The following XNDC1N variants were observed in gnomAD, a reference collection of about 807,000 sequenced individuals.
The protein encoded by XNDC1N is protein XNDC1N.
At chr11:71,919,126 C>T in the XNDC1N span, 2 of 648,764 alleles carry the variant, frequency 3.1e-6, no homozygotes, top group Non-Finnish European at 5.6e-6. Context: ...CCTTCCCAGT[C>T]ATCCTAACAT....
the XNDC1N span, among the ~76,000 whole-genome samples, chr11:71,889,740 C>T: frequency 0.032 from 4,876 of 152,224 alleles, 263 homozygotes; most frequent in African/African-American, 0.11. Flanking sequence ...CTGTTCTGCC[C>T]GGCATAAGAG....
chr11:71,885,412 G>A, the XNDC1N span, among the ~76,000 whole-genome samples: 1 of 152,086 alleles, frequency 6.6e-6, no homozygotes, highest in Non-Finnish European at 1.5e-5. Context: ...CATCTCACAC[G>A]GGGGTGTACA....
chr11:71,872,219 C>A, the XNDC1N span, among the ~76,000 whole-genome samples: 2 of 152,200 alleles, frequency 1.3e-5, no homozygotes, highest in Admixed American at 6.5e-5. Flanking sequence ...GTAGCCCCAG[C>A]TGACAGCTTT....
chr11:71,915,460 GA>G, the XNDC1N span, among the ~76,000 whole-genome samples: 13 of 142,106 alleles, frequency 9.1e-5, no homozygotes, highest in Admixed American at 1.4e-4. Flanking sequence ...AAAAAAAAAA[GA>G]AAAAAAAAAG....
At chr11:71,892,777 G>C in the XNDC1N span, among the ~76,000 whole-genome samples, 6 of 152,136 alleles carry the variant, frequency 3.9e-5, no homozygotes, top group South Asian at 1.2e-3. Context: ...AGCCTCGGCC[G>C]CCCAAAGTGC....
At chr11:71,868,831 A>G in the XNDC1N span, among the ~76,000 whole-genome samples, 1 of 152,102 alleles carries the variant, frequency 6.6e-6, no homozygotes, top group African/African-American at 2.4e-5. Context: ...CTCTCTAGTG[A>G]GGTTGGGGAA....
the XNDC1N span, among the ~76,000 whole-genome samples, chr11:71,891,842 T>C: frequency 6.6e-6 from 1 of 152,108 alleles, no homozygotes; most frequent in South Asian, 2.1e-4. Flanking sequence ...GAGTCATGGT[T>C]ACTCTTTCAC....
the XNDC1N span, among the ~76,000 whole-genome samples, chr11:71,897,910 C>A: frequency 1.3e-5 from 2 of 152,352 alleles, no homozygotes; most frequent in Non-Finnish European, 2.9e-5. Flanking sequence ...CTGGCCGGTG[C>A]GGTGGCTCAC....
chr11:71,923,359 G>A, the XNDC1N span: 1 of 702,892 alleles, frequency 1.4e-6, no homozygotes, highest in Non-Finnish European at 2.6e-6. Flanking sequence ...GCCATGGTGG[G>A]CCCAGCAGCT....
the XNDC1N span, among the ~76,000 whole-genome samples, chr11:71,898,373 G>A: frequency 6.6e-6 from 1 of 152,144 alleles, no homozygotes; most frequent in East Asian, 1.9e-4. Context: ...TTGGGAGGCT[G>A]AGGCAGGCGG....
the XNDC1N span, chr11:71,903,050 G>A: frequency 2.0e-6 from 1 of 488,656 alleles, no homozygotes; most frequent in East Asian, 4.2e-5. Context: ...ATATTGCTGA[G>A]TGTGGATTGC....
the XNDC1N span, chr11:71,914,424 T>C: frequency 2.2e-6 from 1 of 455,270 alleles, no homozygotes; most frequent in South Asian, 1.6e-5. Flanking sequence ...TGGTGGCTCA[T>C]GCCTGTAATC....
the XNDC1N span, among the ~76,000 whole-genome samples, chr11:71,915,476 C>T: frequency 6.6e-6 from 1 of 151,126 alleles, no homozygotes; most frequent in South Asian, 2.1e-4. Flanking sequence ...AAAAAGATTA[C>T]GACTCACTGA....
the XNDC1N span, among the ~76,000 whole-genome samples, chr11:71,886,167 C>T: frequency 6.6e-5 from 10 of 152,036 alleles, no homozygotes; most frequent in East Asian, 1.2e-3. Context: ...CCTTCACCTG[C>T]GTCAATCTTC....
At chr11:71,906,506 T>G in the XNDC1N span, among the ~76,000 whole-genome samples, 1 of 152,046 alleles carries the variant, frequency 6.6e-6, no homozygotes, top group Non-Finnish European at 1.5e-5. Context: ...GTACATGCAT[T>G]GGGACATCGG....
chr11:71,894,931 T>C, the XNDC1N span, among the ~76,000 whole-genome samples: 1 of 152,220 alleles, frequency 6.6e-6, no homozygotes, highest in Non-Finnish European at 1.5e-5. Context: ...TCTTCCACAG[T>C]TCATGTGGAA....
chr11:71,905,294 T>A, the XNDC1N span, among the ~76,000 whole-genome samples: 1 of 151,950 alleles, frequency 6.6e-6, no homozygotes, highest in Non-Finnish European at 1.5e-5. Context: ...GGGTGTGATA[T>A]TAGGAGTGTG....
chr11:71,894,419 C>G, the XNDC1N span: 8 of 205,742 alleles, frequency 3.9e-5, no homozygotes, highest in South Asian at 5.9e-4. Flanking sequence ...CTGTTCCATC[C>G]TTTTTCTTGT....
the XNDC1N span, among the ~76,000 whole-genome samples, chr11:71,911,895 A>G: frequency 6.6e-6 from 1 of 152,160 alleles, no homozygotes; most frequent in Non-Finnish European, 1.5e-5. Context: ...TGCTCCCTCA[A>G]GCACCTGATC....
Sources: allele counts gnomAD v4.1 joint callset (sites outside exome capture counted in the v4.1 genomes callset), GRCh38; gene constraint gnomAD v4.1.1; transcripts MANE v1.5; gene names NCBI Gene and HGNC (gene_info 2026-07-23, HGNC 2026-07-21).